Variants in LONP2 observed in about 807,000 individuals in gnomAD.
LONP2 encodes lon protease homolog 2, peroxisomal.
LONP2 carries 60 observed loss-of-function variants against 85.6 expected under a neutral mutation model. The observed-to-expected ratio is 0.70, with a 90% confidence interval of 0.57 to 0.87. The LOEUF is 0.87. Ranked by LOEUF, LONP2 falls within the 40% of genes least tolerant of loss-of-function variation. The pLI is 0.00. For synonymous variants in LONP2, 395 were observed against 389.7 expected, an observed-to-expected ratio of 1.01 and a Z score of -0.16; for missense variants, 860 against 1,063.5, an observed-to-expected ratio of 0.81 and a Z score of 2.66.
At chr16:48,344,494 C>T (rs921792623) in intron 12 of LONP2, 4 of 152,172 alleles carry the variant, frequency 2.6e-5, no homozygotes, top group Admixed American at 6.5e-5. Flanking sequence ...TTTGGCCATA[C>T]GTGGTTATCT....
chr16:48,324,792 T>G (rs936825380), intron 11 of LONP2, among the ~76,000 whole-genome samples: 2 of 152,120 alleles, frequency 1.3e-5, no homozygotes, highest in Non-Finnish European at 2.9e-5. Context: ...GGGCCCCATT[T>G]GTTCTTTTTT....
intron 11 of LONP2, among the ~76,000 whole-genome samples, chr16:48,320,968 C>T (rs370472277): frequency 6.6e-6 from 1 of 152,190 alleles, no homozygotes; most frequent in Non-Finnish European, 1.5e-5. Flanking sequence ...GAGTCTGGCT[C>T]TGTTACCCGG....
Position 48,252,279 on chromosome 16 carries a change from G to T in LONP2, c.382G>T (p.Asp128Tyr). Reference protein sequence around the residue: ...PYPIAEVEQLDRLEEFPNTCK... With the variant: ...PYPIAEVEQLYRLEEFPNTCK... ...TCCCATTGCTGAAGTGGAGCAGTTGGACCGACTTGAGGAGTTTCCCAACAC... is the reference window on the plus strand; with the variant it reads ...TCCCATTGCTGAAGTGGAGCAGTTGTACCGACTTGAGGAGTTTCCCAACAC... Residue 128 changes from aspartate (D) to tyrosine (Y), a missense_variant, in exon 2 of 15, where the codon GAC becomes TAC. Physicochemically the swap from Asp to Tyr is radical, Grantham distance 160. Coordinates refer to ENST00000285737, the MANE Select transcript of LONP2 (RefSeq NM_031490.5). The T allele has an allele frequency of 6.2e-7, 1 of 1,614,150 alleles. No individual in the cohort carries two copies. The highest frequency in any genetic ancestry group is 1.1e-5 in the South Asian group (1 of 91,076).
intron 8 of LONP2, among the ~76,000 whole-genome samples, chr16:48,282,716 C>G (rs1269910475): frequency 6.6e-6 from 1 of 152,142 alleles, no homozygotes. Context: ...TTCTCTCTCC[C>G]TCTCCTCTGG....
At chr16:48,299,889 C>T (rs952890309) in intron 10 of LONP2, 101 bp downstream of exon 10, 1 of 1,232,452 alleles carries the variant, frequency 8.1e-7, no homozygotes, top group Admixed American at 2.5e-5. Context: ...AGTTTTTCAT[C>T]TTTTGAGATA....
At position 48,270,048 on chromosome 16, in the gene LONP2, C is replaced by A. The variant is rs1972070240; in HGVS notation, c.1015C>A (p.Leu339Met). ...RLDIRAARIL[L>M]DNDHYAMEKL... ...GGACATTAGGGCAGCCCGGATTCTT[C>A]TGGATAATGACCATTACGCCATGGA... Residue 339 changes from leucine to methionine, a missense_variant, in exon 7 of 15, where the codon CTG becomes ATG. Coordinates refer to ENST00000285737, the MANE Select transcript of LONP2 (RefSeq NM_031490.5). 8 of 1,613,848 alleles carry A rather than the reference C, an allele frequency of 5.0e-6. No homozygotes were observed. In the Admixed American group the frequency reaches 1.0e-4, roughly 20 times the overall value.
chr16:48,352,633 A>T lies in LONP2; in HGVS notation c.*831A>T, dbSNP rs1178640270. On this transcript the variant is annotated 3_prime_UTR_variant, in exon 15 of 15. Coordinates refer to ENST00000285737, the MANE Select transcript of LONP2 (RefSeq NM_031490.5). Reference sequence around the variant, plus strand: ...TGGCTGACAGAGCGAGACTGTCTCTAAAAAAAAAAGACTCAAGTGGACCCT... The same window carrying T: ...TGGCTGACAGAGCGAGACTGTCTCTTAAAAAAAAAGACTCAAGTGGACCCT... The T allele has an allele frequency of 2.0e-5, 3 of 147,918 alleles. No homozygotes were observed. The East Asian group carries it at 5.9e-4, about 29-fold the overall frequency. 9.2% of individuals were successfully genotyped at this position (147,918 alleles called of 1,614,324 possible).
chr16:48,259,302 G>A (rs2150967973), intron 4 of LONP2, among the ~76,000 whole-genome samples: 1 of 152,164 alleles, frequency 6.6e-6, no homozygotes, highest in East Asian at 1.9e-4. Flanking sequence ...TTATTTTGAA[G>A]ACAGCAGTTG....
At chr16:48,258,559 CT>C in intron 3 of LONP2, 58 bp from the exon 4 acceptor site, 1 of 1,503,316 alleles carries the variant, frequency 6.7e-7, no homozygotes, top group African/African-American at 1.4e-5. Context: ...CTCTGACTGT[CT>C]GTTTTTGGAT....
chr16:48,361,405 T>C, downstream of LONP2: 1 of 607,854 alleles, frequency 1.6e-6, no homozygotes, highest in Non-Finnish European at 2.9e-6. Context: ...TTTTTAAATA[T>C]ATTAGTGTTA....
At chr16:48,247,151 C>T (rs1195532493) in intron 1 of LONP2, among the ~76,000 whole-genome samples, 3 of 152,240 alleles carry the variant, frequency 2.0e-5, no homozygotes, top group African/African-American at 4.8e-5. Context: ...AAAGATTGTA[C>T]CATATTCCTT....
At chr16:48,246,080 C>G (rs1971366473) in intron 1 of LONP2, among the ~76,000 whole-genome samples, 1 of 152,128 alleles carries the variant, frequency 6.6e-6, no homozygotes, top group African/African-American at 2.4e-5. Flanking sequence ...CCTTTGCTTT[C>G]TTCAGATTCT....
At chr16:48,290,568 G>A (rs887343107) in intron 8 of LONP2, among the ~76,000 whole-genome samples, 5 of 151,610 alleles carry the variant, frequency 3.3e-5, no homozygotes, top group South Asian at 4.2e-4. Context: ...TAATTTGCTA[G>A]AGTAGCTCAC....
At chr16:48,344,316 C>T (rs1959901714) in intron 12 of LONP2, 2 of 152,174 alleles carry the variant, frequency 1.3e-5, no homozygotes, top group African/African-American at 4.8e-5. Flanking sequence ...TCTTAGATAA[C>T]TACTGTTAGC....
chr16:48,280,493 T>C (rs1235469243), intron 8 of LONP2, among the ~76,000 whole-genome samples: 1 of 152,248 alleles, frequency 6.6e-6, no homozygotes, highest in East Asian at 1.9e-4. Context: ...AATTGATCTT[T>C]GATAACAAGC....
intron 11 of LONP2, among the ~76,000 whole-genome samples, chr16:48,326,463 A>G (rs972705678): frequency 3.9e-5 from 6 of 152,188 alleles, no homozygotes; most frequent in African/African-American, 1.4e-4. Context: ...TTGAAAGCAT[A>G]GTACTATTAT....
At chr16:48,250,648 A>C (rs553351689) in intron 1 of LONP2, among the ~76,000 whole-genome samples, 60 of 152,138 alleles carry the variant, frequency 3.9e-4, no homozygotes, top group Non-Finnish European at 6.8e-4. Context: ...CCGGGGATCC[A>C]GTTTCTTGTC....
At position 48,296,131 on chromosome 16, in the gene LONP2, C is replaced by T; in HGVS notation, c.1500C>T (p.Ala500=). The T allele has an allele frequency of 1.9e-6, 3 of 1,614,174 alleles. No individual in the cohort carries two copies. The highest frequency in any genetic ancestry group is 2.5e-6 in the Non-Finnish European group (3 of 1,180,032). The change falls in exon 9 of 15, where the codon GCC becomes GCT. Residue 500 remains alanine, a synonymous_variant. Coordinates refer to ENST00000285737, the MANE Select transcript of LONP2 (RefSeq NM_031490.5). The part of the protein sequence containing the change: ...TANTTATIPA[A]LLDRMEIIQV... ...ACACCACTGCTACCATTCCAGCTGC[C>T]TTGTTGGACAGAATGGAGATCATTC...
At position 48,261,465 on chromosome 16, in the gene LONP2, A is replaced by G. The variant is rs1971873047; in HGVS notation, c.765A>G (p.Ser255=). ...CTATTAGGAGAATTACACATATCTC[A>G]GGTACTTTAGAAGATGAAGATGAAG... The part of the protein sequence containing the change: ...IRPIRRITHI[S]GTLEDEDEDE... Residue 255 remains serine (S), a synonymous_variant, in exon 5 of 15, where the codon TCA becomes TCG. Coordinates refer to ENST00000285737, the MANE Select transcript of LONP2 (RefSeq NM_031490.5). 1.2e-6 allele frequency: 2 copies of G among 1,609,032 alleles called. No individual in the cohort carries two copies. The highest frequency in any genetic ancestry group is 2.2e-5 in the East Asian group (1 of 44,660).
Sources: allele counts gnomAD v4.1 joint callset (sites outside exome capture counted in the v4.1 genomes callset), GRCh38; gene constraint gnomAD v4.1.1; transcripts MANE v1.5; gene names NCBI Gene and HGNC (gene_info 2026-07-23, HGNC 2026-07-21).